The following TMEM229B variants were observed in gnomAD, a reference collection of about 807,000 sequenced individuals.
TMEM229B encodes transmembrane protein 229B.
A neutral mutation model predicts 13.7 loss-of-function variants in TMEM229B; 6 were observed. That is an observed-to-expected ratio of 0.44 (90% confidence interval 0.24 to 0.86). The LOEUF (loss-of-function observed/expected upper bound fraction) is 0.86, where lower values mean the gene tolerates loss of function less well. Ranked by LOEUF, TMEM229B falls within the 40% of genes least tolerant of loss-of-function variation. The pLI, the probability that TMEM229B is intolerant of heterozygous loss-of-function variation, is 0.23. For missense variants in TMEM229B, 170 were observed against 236.0 expected (o/e 0.72, Z 1.83); for synonymous variants, 107 against 102.1 (o/e 1.05, Z -0.29).
chr14:67,526,916 T>C (rs12101021), intron 1 of TMEM229B, among the ~76,000 whole-genome samples: 37,452 of 151,930 alleles, frequency 0.25, 4,858 homozygotes, highest in Middle Eastern at 0.33. Context: ...TGACACACCA[T>C]CGAAAACCCT....
intron 2 of TMEM229B, among the ~76,000 whole-genome samples, chr14:67,475,701 A>G (rs1439668697): frequency 6.6e-6 from 1 of 152,200 alleles, no homozygotes; most frequent in Non-Finnish European, 1.5e-5. Flanking sequence ...GACACAGGAA[A>G]GAGTCCTCCC....
At chr14:67,506,962 G>A (rs2032850895) in intron 1 of TMEM229B, among the ~76,000 whole-genome samples, 1 of 151,564 alleles carries the variant, frequency 6.6e-6, no homozygotes, top group Non-Finnish European at 1.5e-5. Context: ...CCAGCCTGGC[G>A]ACAGGGCCAG....
intron 1 of TMEM229B, among the ~76,000 whole-genome samples, chr14:67,527,568 G>A (rs1487496732): frequency 6.6e-6 from 1 of 152,198 alleles, no homozygotes. Flanking sequence ...TGTTTGCAGT[G>A]CCCTGCAATG....
intron 2 of TMEM229B, among the ~76,000 whole-genome samples, chr14:67,477,405 G>A (rs2031287237): frequency 6.6e-6 from 1 of 152,144 alleles, no homozygotes; most frequent in African/African-American, 2.4e-5. Context: ...GTTACCTTCA[G>A]AACAAAATCT....
At chr14:67,524,317 C>T (rs1230182229) in intron 1 of TMEM229B, among the ~76,000 whole-genome samples, 2 of 152,144 alleles carry the variant, frequency 1.3e-5, no homozygotes, top group Non-Finnish European at 2.9e-5. Context: ...GGACCCCAAT[C>T]CCTGTCGTAA....
upstream of TMEM229B, chr14:67,488,811 T>C (rs1362740946): frequency 6.6e-6 from 1 of 152,258 alleles, no homozygotes; most frequent in African/African-American, 2.4e-5. Context: ...CCTGCTGAGG[T>C]GCAGCCCTGG....
intron 1 of TMEM229B, among the ~76,000 whole-genome samples, chr14:67,531,814 GGGAGGATTGCTTGAGCCCA>G (rs1566713532): frequency 6.8e-6 from 1 of 146,136 alleles, no homozygotes; most frequent in Non-Finnish European, 1.5e-5. Flanking sequence ...AGGCTGAGAT[GGGAGGATTGCTTGAGCCCA>G]GGAGTTCAAG....
intron 1 of TMEM229B, among the ~76,000 whole-genome samples, chr14:67,511,379 C>T (rs1594715253): frequency 1.3e-5 from 2 of 152,068 alleles, no homozygotes; most frequent in African/African-American, 4.8e-5. Flanking sequence ...AACTGTCATG[C>T]TTCTAGAAGA....
intron 2 of TMEM229B, among the ~76,000 whole-genome samples, chr14:67,486,497 T>A (rs1178881586): frequency 6.6e-6 from 1 of 152,174 alleles, no homozygotes; most frequent in Non-Finnish European, 1.5e-5. Flanking sequence ...ATGGTCTCAA[T>A]CTGTTGACCT....
In TMEM229B at chr14:67,488,659, C is replaced by A; in HGVS notation, c.-343G>T. 6.6e-6 allele frequency: 1 copy of A among 152,550 alleles called. No homozygotes were observed. 9.4% of individuals were successfully genotyped at this position (152,550 alleles called of 1,614,324 possible). A position where few individuals can be genotyped will look rare whatever the true frequency, so the allele number is the denominator to read the frequency against. On this transcript the variant is annotated 5_prime_UTR_variant, in exon 1 of 3. Coordinates refer to ENST00000554480, the MANE Select transcript of TMEM229B (RefSeq NM_001348543.2). ...GACCATGTGCCTGGGGAGTTCAATCCCACCTGTGGAGACTTCTCCCCACCC... is the reference window on the plus strand; with the variant it reads ...GACCATGTGCCTGGGGAGTTCAATCACACCTGTGGAGACTTCTCCCCACCC...
At chr14:67,523,205 C>T (rs575110371) in intron 1 of TMEM229B, among the ~76,000 whole-genome samples, 1 of 152,150 alleles carries the variant, frequency 6.6e-6, no homozygotes, top group Admixed American at 6.5e-5. Context: ...AGCCTGTAAT[C>T]CCAGCTACTC....
upstream of TMEM229B, among the ~76,000 whole-genome samples, chr14:67,490,202 A>G (rs1045760540): frequency 3.3e-5 from 5 of 152,220 alleles, no homozygotes; most frequent in Admixed American, 2.6e-4. Context: ...ACCATCACAG[A>G]TGAGCCATAC....
intron 1 of TMEM229B, among the ~76,000 whole-genome samples, chr14:67,495,492 T>A (rs551489770): frequency 5.9e-5 from 9 of 152,154 alleles, no homozygotes; most frequent in Admixed American, 2.6e-4. Context: ...CTGGATTTTT[T>A]TTTTTTTCAG....
intron 1 of TMEM229B, among the ~76,000 whole-genome samples, chr14:67,507,052 GC>G (rs1192187495): frequency 6.6e-6 from 1 of 152,134 alleles, no homozygotes; most frequent in Non-Finnish European, 1.5e-5. Context: ...CCTAGCCATA[GC>G]CCAATTCCAT....
At chr14:67,492,442 A>G (rs2032206888), upstream of TMEM229B, among the ~76,000 whole-genome samples, 1 of 152,236 alleles carries the variant, frequency 6.6e-6, no homozygotes, top group African/African-American at 2.4e-5. Context: ...CCTGTCAGTC[A>G]GAAAAAAGAG....
chr14:67,522,891 A>G (rs550388855), intron 1 of TMEM229B, among the ~76,000 whole-genome samples: 27 of 152,326 alleles, frequency 1.8e-4, no homozygotes, highest in Non-Finnish European at 1.0e-4. Context: ...AGAAGCCCAA[A>G]GGGTTGATGA....
At chr14:67,495,486 AT>A (rs879609292) in intron 1 of TMEM229B, among the ~76,000 whole-genome samples, 148 of 144,114 alleles carry the variant, frequency 1.0e-3, no homozygotes, top group Middle Eastern at 3.6e-3. Flanking sequence ...AGCCTTCTGG[AT>A]TTTTTTTTTT....
chr14:67,489,523 A>G (rs567639890), upstream of TMEM229B, among the ~76,000 whole-genome samples: 1 of 152,306 alleles, frequency 6.6e-6, no homozygotes, highest in South Asian at 2.1e-4. Context: ...TGTTTCAAGC[A>G]CTGTCATCTC....
chr14:67,503,011 G>A (rs1231317994), intron 1 of TMEM229B, among the ~76,000 whole-genome samples: 3 of 152,136 alleles, frequency 2.0e-5, no homozygotes, highest in East Asian at 3.9e-4. Context: ...CTTTAAAGAT[G>A]AAACCAATGT....
Sources: allele counts gnomAD v4.1 joint callset (sites outside exome capture counted in the v4.1 genomes callset), GRCh38; gene constraint gnomAD v4.1.1; transcripts MANE v1.5; gene names NCBI Gene and HGNC (gene_info 2026-07-23, HGNC 2026-07-21).